Variants in MID1 observed in about 807,000 individuals in gnomAD.
MID1 encodes the protein midline 1.
A neutral mutation model predicts 40.4 loss-of-function variants in MID1; 7 were observed. The ratio of observed to expected loss-of-function variants is 0.17; its 90% CI spans 0.10 to 0.33. MID1 has a LOEUF of 0.33. MID1 is among the 10% of genes least tolerant of loss of function. MID1 has a pLI of 1.00. For missense variants in MID1, 367 were observed against 558.5 expected, an observed-to-expected ratio of 0.66 and a Z score of 3.46; for synonymous variants, 229 against 221.2, an observed-to-expected ratio of 1.04 and a Z score of -0.31.
At chrX:10,574,110 G>A (rs766139039) in intron 1 of MID1, among the ~76,000 whole-genome samples, 1 of 111,801 alleles carries the variant, frequency 8.9e-6, no homozygotes. Context: ...GGGACTGACT[G>A]TTGCTGATAT....
chrX:10,519,769 CT>C (rs923772917), intron 3 of MID1, among the ~76,000 whole-genome samples: 4 of 111,812 alleles, frequency 3.6e-5, no homozygotes, highest in Non-Finnish European at 7.5e-5. Flanking sequence ...GAGAACATCC[CT>C]AATTTCTGTC....
chrX:10,565,243 G>A (rs895722672), intron 2 of MID1: 1 of 329,479 alleles, frequency 3.0e-6, no homozygotes, highest in African/African-American at 2.7e-5. Context: ...GTTTAAAGAT[G>A]GATTTGCACC....
chrX:10,671,175 G>A (rs941826686), intron 1 of MID1, among the ~76,000 whole-genome samples: 4 of 111,535 alleles, frequency 3.6e-5, no homozygotes, highest in East Asian at 5.6e-4. Context: ...GTTTGCTCCC[G>A]CCCCCATTAA....
chrX:10,830,884 G>C (rs767187177), intron 1 of MID1, among the ~76,000 whole-genome samples: 12 of 111,733 alleles, frequency 1.1e-4, no homozygotes, highest in Non-Finnish European at 1.9e-4. Context: ...CATGTAGAGG[G>C]CCTTAACACT....
At chrX:10,771,342 A>C (rs2043767260) in intron 1 of MID1, among the ~76,000 whole-genome samples, 1 of 111,345 alleles carries the variant, frequency 9.0e-6, no homozygotes, top group Non-Finnish European at 1.9e-5. Flanking sequence ...AAAAATGCTA[A>C]AAGTCTGGCA....
intron 1 of MID1, among the ~76,000 whole-genome samples, chrX:10,765,893 AAAAG>A (rs1369230312): frequency 9.4e-6 from 1 of 106,652 alleles, no homozygotes; most frequent in Admixed American, 1.0e-4. Flanking sequence ...AGAAAGAAAG[AAAAG>A]AAAGAAAGAA....
intron 3 of MID1, among the ~76,000 whole-genome samples, chrX:10,514,172 C>T (rs1008342450): frequency 8.9e-6 from 1 of 111,911 alleles, no homozygotes; most frequent in Non-Finnish European, 1.9e-5. Flanking sequence ...ATACTCCAAT[C>T]TGAGCCACTA....
chrX:10,590,484 G>A (rs1395375819), intron 1 of MID1, among the ~76,000 whole-genome samples: 1 of 111,226 alleles, frequency 9.0e-6, no homozygotes, highest in Admixed American at 9.5e-5. Context: ...AGCATTCCAG[G>A]GGAGGGGTTA....
intron 1 of MID1, among the ~76,000 whole-genome samples, chrX:10,731,966 CA>C (rs754605735): frequency 0.053 from 1,421 of 26,578 alleles, 3 homozygotes; most frequent in Non-Finnish European, 0.069. Flanking sequence ...GAATCTATCA[CA>C]AAAAAAAAAA....
chrX:10,471,564 G>A (rs1929709371), intron 6 of MID1, among the ~76,000 whole-genome samples: 5 of 112,000 alleles, frequency 4.5e-5, no homozygotes, highest in Admixed American at 2.8e-4. Context: ...GTATTCACAT[G>A]TGAGATTTAG....
Position 10,605,878 on chromosome X carries a change from C to A in MID1, c.-57+14412G>T, listed in dbSNP as rs990518417. ...ATGAGAATACTTCAAGGTGCACCTT[C>A]CTCTAGAAATAGTGATACCTCCGGT... On this transcript the variant is annotated intron_variant, in intron 1 of 9. Transcript: ENST00000317552. Among the ~76,000 whole-genome samples the A allele has an allele frequency of 8.1e-5, 9 of 111,246 alleles. No individual in the cohort carries two copies. In the South Asian group the frequency reaches 3.4e-3, roughly 42 times the overall value.
intron 1 of MID1, among the ~76,000 whole-genome samples, chrX:10,628,024 C>T (rs1194325134): frequency 9.0e-6 from 1 of 111,680 alleles, no homozygotes; most frequent in Admixed American, 9.5e-5. Flanking sequence ...ATAAAAACTA[C>T]TTAGGAATCA....
chrX:10,524,348 G>T (rs764010516), intron 2 of MID1, among the ~76,000 whole-genome samples: 27 of 111,250 alleles, frequency 2.4e-4, no homozygotes, highest in South Asian at 1.5e-3. Flanking sequence ...GCTGGAAGAA[G>T]AACTGTCTTG....
chrX:10,593,906 A>T (rs1186149612), intron 1 of MID1, among the ~76,000 whole-genome samples: 1 of 111,154 alleles, frequency 9.0e-6, no homozygotes, highest in Non-Finnish European at 1.9e-5. Context: ...AAGAACTCTG[A>T]TAGCTACTGA....
chrX:10,821,058 C>T (rs1053634483), intron 1 of MID1, among the ~76,000 whole-genome samples: 1 of 112,268 alleles, frequency 8.9e-6, no homozygotes. Flanking sequence ...CAGTTACCAA[C>T]TCAAGCGTTG....
chrX:10,656,383 C>G (rs79210649), intron 1 of MID1, among the ~76,000 whole-genome samples: 1 of 112,082 alleles, frequency 8.9e-6, no homozygotes, highest in Non-Finnish European at 1.9e-5. Flanking sequence ...GGTTGGCCCC[C>G]TTCCTATGGC....
chrX:10,631,258 A>G (rs1246993957), intron 1 of MID1, among the ~76,000 whole-genome samples: 1 of 110,112 alleles, frequency 9.1e-6, no homozygotes, highest in Non-Finnish European at 1.9e-5. Context: ...TATTGTGAGA[A>G]TTGAGGTGAT....
intron 1 of MID1, among the ~76,000 whole-genome samples, chrX:10,727,062 A>C (rs1291881867): frequency 8.9e-6 from 1 of 112,852 alleles, no homozygotes; most frequent in Non-Finnish European, 1.9e-5. Flanking sequence ...TGTCTCTGTT[A>C]TATGGCAGAA....
chrX:10,777,644 G>A (rs113547265), intron 1 of MID1, among the ~76,000 whole-genome samples: 6,326 of 105,725 alleles, frequency 0.06, 497 homozygotes, highest in African/African-American at 0.21. Context: ...AGGTTCAAGT[G>A]ATTCTCCTGC....
Sources: allele counts gnomAD v4.1 joint callset (sites outside exome capture counted in the v4.1 genomes callset), GRCh38; gene constraint gnomAD v4.1.1; transcripts MANE v1.5; gene names NCBI Gene and HGNC (gene_info 2026-07-23, HGNC 2026-07-21).